Variants in ELOVL6 observed in about 807,000 individuals in gnomAD.
ELOVL6 encodes ELOVL fatty acid elongase 6.
ELOVL6 carries 8 observed loss-of-function variants against 31.7 expected under a neutral mutation model. The ratio of observed to expected loss-of-function variants is 0.25; its 90% CI spans 0.15 to 0.45. The LOEUF (loss-of-function observed/expected upper bound fraction) is 0.45, where lower values mean the gene tolerates loss of function less well. Ranked by LOEUF, ELOVL6 falls within the 20% of genes least tolerant of loss-of-function variation. ELOVL6 has a pLI of 1.00. For synonymous variants in ELOVL6, 101 were observed against 117.7 expected (o/e 0.86, Z 0.92); for missense variants, 126 against 326.4 (o/e 0.39, Z 4.73).
intron 1 of ELOVL6, chr4:110,197,860 G>A (rs1759858332): frequency 4.0e-6 from 1 of 250,470 alleles, no homozygotes; most frequent in African/African-American, 2.3e-5. Flanking sequence ...GGTTGCGGGA[G>A]AGGCCAAGCG....
chr4:110,135,338 G>A (rs1449097345), intron 1 of ELOVL6, among the ~76,000 whole-genome samples: 1 of 152,172 alleles, frequency 6.6e-6, no homozygotes, highest in African/African-American at 2.4e-5. Context: ...AAGAAATGCA[G>A]CACATACTGT....
At chr4:110,174,071 A>G (rs1441634356) in intron 1 of ELOVL6, among the ~76,000 whole-genome samples, 6 of 152,124 alleles carry the variant, frequency 3.9e-5, no homozygotes, top group Non-Finnish European at 7.4e-5. Context: ...GTAAATTTTA[A>G]AAAAGATTAA....
rs117469675 is a variant in ELOVL6, at chr4:110,090,568, C to A, written c.221+14929G>T. ...CCTCATTAGGGCCACAAGAGGTAGGCCTTCCAGGAACTTACAGGAAAGTTT... is the reference window on the plus strand; with the variant it reads ...CCTCATTAGGGCCACAAGAGGTAGGACTTCCAGGAACTTACAGGAAAGTTT... On this transcript the variant is annotated intron_variant, in intron 2 of 3. Transcript: ENST00000302274. Among the ~76,000 whole-genome samples, 35 of 147,906 alleles carry A rather than the reference C, an allele frequency of 2.4e-4. No individual in the cohort carries two copies. In the East Asian group the frequency reaches 6.9e-3, roughly 29 times the overall value.
intron 2 of ELOVL6, among the ~76,000 whole-genome samples, chr4:110,061,436 C>T (rs1306495191): frequency 6.6e-6 from 1 of 151,648 alleles, no homozygotes; most frequent in African/African-American, 2.4e-5. Flanking sequence ...AGTCCATTAT[C>T]TGTCCTAATT....
intron 1 of ELOVL6, among the ~76,000 whole-genome samples, chr4:110,148,190 C>A (rs1758180971): frequency 6.7e-6 from 1 of 148,150 alleles, no homozygotes; most frequent in Non-Finnish European, 1.5e-5. Context: ...TTTCAAAAGA[C>A]AAACAAATAG....
chr4:110,154,021 T>C (rs1222129905), intron 1 of ELOVL6, among the ~76,000 whole-genome samples: 1 of 152,318 alleles, frequency 6.6e-6, no homozygotes, highest in East Asian at 1.9e-4. Context: ...TTTTATTTAG[T>C]AAAATTAAGA....
At chr4:110,157,531 C>G (rs544318528) in intron 1 of ELOVL6, among the ~76,000 whole-genome samples, 7 of 151,866 alleles carry the variant, frequency 4.6e-5, no homozygotes, top group Non-Finnish European at 1.0e-4. Context: ...ATTAGCTGCA[C>G]GTGGTGGCAT....
chr4:110,109,719 C>T (rs1047814827), intron 1 of ELOVL6, among the ~76,000 whole-genome samples: 4 of 152,158 alleles, frequency 2.6e-5, no homozygotes, highest in Admixed American at 2.6e-4. Flanking sequence ...CAGTGCTTAG[C>T]TTGAGTCTCG....
intron 1 of ELOVL6, among the ~76,000 whole-genome samples, chr4:110,185,131 T>C (rs1010858181): frequency 6.6e-6 from 1 of 152,218 alleles, no homozygotes; most frequent in Non-Finnish European, 1.5e-5. Context: ...ATTTAGTGAT[T>C]ACAAAGAGCT....
Position 110,051,558 on chromosome 4 carries a change from T to C in ELOVL6, c.578A>G (p.Lys193Arg), listed in dbSNP as rs765953213. Residue 193 changes from lysine (K) to arginine (R), a missense_variant, in exon 4 of 4, where the codon AAG (lysine) becomes AGG (arginine). Around this residue, in one of 3 missense-constraint regions of ELOVL6, gnomAD observed 57 missense variants for 110.2 expected, o/e 0.52. Coordinates refer to ENST00000302274, the MANE Select transcript of ELOVL6 (RefSeq NM_024090.3). The surrounding 1 kb of genome is among the most constrained non-coding windows in gnomAD (Gnocchi z 4.8). ...GGACAAGGTGATGAACATGGCAAAC[T>C]TCCGGGAGACTCGGAAACCTGCCGC... is the stretch of plus-strand genomic sequence containing the variant. The part of the protein sequence containing the change: ...LRAAGFRVSR[K>R]FAMFITLSQI... The C allele has an allele frequency of 4.3e-6, 7 of 1,614,040 alleles. No homozygotes were observed. The African/African-American group carries it at 8.0e-5, about 18-fold the overall frequency.
chr4:110,190,508 GTT>G (rs1759582173), intron 1 of ELOVL6, among the ~76,000 whole-genome samples: 1 of 151,646 alleles, frequency 6.6e-6, no homozygotes, highest in Admixed American at 6.6e-5. Flanking sequence ...TACTTTTTTT[GTT>G]TTGTTTTGTT....
intron 1 of ELOVL6, among the ~76,000 whole-genome samples, chr4:110,158,267 A>G (rs970365579): frequency 1.1e-4 from 16 of 152,186 alleles, no homozygotes; most frequent in Non-Finnish European, 1.6e-4. Context: ...TAACTACAGT[A>G]AAGAACAACC....
chr4:110,137,969 G>A (rs71603056), intron 1 of ELOVL6, among the ~76,000 whole-genome samples: 29,850 of 152,108 alleles, frequency 0.2, 3,460 homozygotes, highest in Middle Eastern at 0.34. Context: ...AAAAGGACTT[G>A]CTTATAACTG....
At chr4:110,170,872 G>A (rs966610324) in intron 1 of ELOVL6, among the ~76,000 whole-genome samples, 1 of 152,120 alleles carries the variant, frequency 6.6e-6, no homozygotes, top group Non-Finnish European at 1.5e-5. Flanking sequence ...TTGTTATAAT[G>A]TTGGGGCACT....
At chr4:110,130,947 A>G (rs1015934487) in intron 1 of ELOVL6, among the ~76,000 whole-genome samples, 1 of 152,248 alleles carries the variant, frequency 6.6e-6, no homozygotes, top group African/African-American at 2.4e-5. Flanking sequence ...AGTTTAACAC[A>G]TATAAAGATC....
chr4:110,093,350 T>C (rs1443421982), intron 2 of ELOVL6, among the ~76,000 whole-genome samples: 2 of 152,180 alleles, frequency 1.3e-5, no homozygotes, highest in Non-Finnish European at 2.9e-5. Flanking sequence ...AATCCTATCT[T>C]TTATAAATAG....
At position 110,147,278 on chromosome 4, in the gene ELOVL6, TAAAAAA is replaced by T. The variant is rs34418243; in HGVS notation, c.90-41656_90-41651del. 33 of 129,484 alleles carry T rather than the reference TAAAAAA, an allele frequency of 2.5e-4. No individual in the cohort carries two copies. In the South Asian group the frequency reaches 4.1e-3, roughly 16 times the overall value. 8.0% of individuals were successfully genotyped at this position (129,484 alleles called of 1,614,324 possible). On this transcript the variant is annotated intron_variant, in intron 1 of 3. Transcript: ENST00000302274. ...GCAAAAAAATAAATGCAATTAAAAGTAAAAAAAAAAAAAAAAAAGAAAAAAGGAAGA... is the reference window on the plus strand; with the variant it reads ...GCAAAAAAATAAATGCAATTAAAAGTAAAAAAAAAAAAGAAAAAAGGAAGA...
rs1759426255 is a variant in ELOVL6 at position 110,185,985 on chromosome 4, T to G, written c.89+12262A>C. ...GGTGGGCGGATCACAAGGTCAGGAG[T>G]TCGAGACCACCCTGGCTAACATGGT... On this transcript the variant is annotated intron_variant, in intron 1 of 3. Transcript: ENST00000302274. Among the ~76,000 whole-genome samples the G allele has an allele frequency of 1.3e-5, 2 of 151,872 alleles. 1 individual carries two copies. Among genetic ancestry groups the G allele is most frequent in the South Asian group, 4.2e-4 (2 of 4,806 alleles).
intron 1 of ELOVL6, among the ~76,000 whole-genome samples, chr4:110,178,520 G>T (rs567543838): frequency 6.6e-6 from 1 of 151,354 alleles, no homozygotes; most frequent in African/African-American, 2.4e-5. Flanking sequence ...GCCACTGCAC[G>T]CCAGCCTGAG....
Sources: allele counts gnomAD v4.1 joint callset (sites outside exome capture counted in the v4.1 genomes callset), GRCh38; gene constraint gnomAD v4.1.1; regional missense constraint gnomAD v4.1.1; non-coding constraint Gnocchi (gnomAD v3.1); transcripts MANE v1.5; gene names NCBI Gene and HGNC (gene_info 2026-07-23, HGNC 2026-07-21).